The following SGCD variants were observed in gnomAD, a reference collection of about 807,000 sequenced individuals.
The protein encoded by SGCD is delta-sarcoglycan.
Under a neutral mutation model 36.6 loss-of-function variants are expected in SGCD, and 18 were observed. The observed-to-expected ratio is 0.49, with a 90% CI of 0.34 to 0.73. SGCD has a LOEUF of 0.73. SGCD is among the 30% of genes least tolerant of loss of function. The probability of loss-of-function intolerance (pLI) is 0.01; values close to 1 mark genes in which losing one functional copy is unlikely to be tolerated. For missense variants in SGCD, 387 were observed against 346.7 expected (o/e 1.12, Z -0.92); for synonymous variants, 133 against 130.6 (o/e 1.02, Z -0.12).
At chr5:156,036,292 TC>T (rs1420191504) in intron 1 of SGCD, among the ~76,000 whole-genome samples, 6 of 152,150 alleles carry the variant, frequency 3.9e-5, no homozygotes, top group Non-Finnish European at 7.3e-5. Flanking sequence ...TCCAAACTCC[TC>T]AGTGGCTTAC....
At chr5:156,239,826 A>G (rs534036158) in intron 3 of SGCD, among the ~76,000 whole-genome samples, 363 of 152,314 alleles carry the variant, frequency 2.4e-3, no homozygotes, top group Non-Finnish European at 3.3e-3. Flanking sequence ...ACCCAAGGTA[A>G]CAAAATGTTT....
In SGCD at chr5:156,246,285, T is replaced by G. The variant is rs7701396; in HGVS notation, c.-43-83249T>G. ...TTCCATGGAGAGTTCTCCAGTGAGCTGTAGTTCCATAAAATCAGCACATTT... is the reference window on the plus strand; with the variant it reads ...TTCCATGGAGAGTTCTCCAGTGAGCGGTAGTTCCATAAAATCAGCACATTT... On this transcript the variant is annotated intron_variant, in intron 3 of 9. Transcript: ENST00000517913. Among the ~76,000 whole-genome samples, 419 of 152,306 alleles carry G rather than the reference T, an allele frequency of 2.8e-3. 1 individual carries two copies. Among genetic ancestry groups the G allele is most frequent in the African/African-American group, 9.8e-3 (408 of 41,586 alleles).
chr5:155,738,713 T>TA, the SGCD span, among the ~76,000 whole-genome samples: 1 of 128,818 alleles, frequency 7.8e-6, no homozygotes, highest in African/African-American at 4.0e-5. Context: ...AGTGTGTGAG[T>TA]GTGAGAGAGT....
intron 3 of SGCD, among the ~76,000 whole-genome samples, chr5:156,348,698 A>G (rs1194782706): frequency 2.0e-5 from 3 of 152,186 alleles, no homozygotes; most frequent in African/African-American, 4.8e-5. Context: ...TACAGAGTCA[A>G]TGTACTTCCT....
the SGCD span, among the ~76,000 whole-genome samples, chr5:155,752,673 T>A: frequency 3.3e-5 from 5 of 152,194 alleles, no homozygotes; most frequent in Admixed American, 2.6e-4. Context: ...TTGTGATGAT[T>A]TAATCAGTAT....
rs535001434 is a variant in SGCD, at chr5:156,419,640, T to C, written c.192+74963T>C. On this transcript the variant is annotated intron_variant, in intron 3 of 8. Coordinates refer to ENST00000337851, the MANE Select transcript of SGCD (RefSeq NM_000337.6). ...AATATGGTGGTGGGTTAGCAGCTGA[T>C]TGGAGAAGCAAATGGATGTAGAGAT... is the stretch of plus-strand genomic sequence containing the variant. Among the ~76,000 whole-genome samples, 330 of 152,218 alleles carry C rather than the reference T, an allele frequency of 2.2e-3. 3 individuals carry two copies. The highest frequency in any genetic ancestry group is 3.2e-3 in the Non-Finnish European group (219 of 67,992).
At chr5:155,979,326 G>A (rs1758181196) in intron 1 of SGCD, among the ~76,000 whole-genome samples, 1 of 152,176 alleles carries the variant, frequency 6.6e-6, no homozygotes, top group Non-Finnish European at 1.5e-5. Flanking sequence ...GGAACACAGT[G>A]CCTGGCACAT....
In SGCD at chr5:156,550,054, T is replaced by C. The variant is rs1271916845; in HGVS notation, c.295-39177T>C. On this transcript the variant is annotated intron_variant, in intron 4 of 8. Coordinates refer to ENST00000337851, the MANE Select transcript of SGCD (RefSeq NM_000337.6). ...ATACCAGTTTCACAAATGGAAAAAC[T>C]GATGTGCAGAAAACTGACATGAAAG... Among the ~76,000 whole-genome samples the C allele has an allele frequency of 2.6e-5, 4 of 152,236 alleles. No individual in the cohort carries two copies. The East Asian group carries it at 7.7e-4, about 29-fold the overall frequency.
chr5:156,007,139 T>C (rs533953905), intron 1 of SGCD, among the ~76,000 whole-genome samples: 35 of 152,266 alleles, frequency 2.3e-4, no homozygotes, highest in Non-Finnish European at 7.4e-5. Flanking sequence ...TCACCCCTAA[T>C]CCTTCGGTAA....
At chr5:156,232,858 A>C (rs1765054563) in intron 3 of SGCD, among the ~76,000 whole-genome samples, 1 of 152,188 alleles carries the variant, frequency 6.6e-6, no homozygotes, top group Non-Finnish European at 1.5e-5. Flanking sequence ...CCAGTGTTTT[A>C]ACTTTCATTA....
chr5:156,218,954 C>CA (rs1425995118), intron 3 of SGCD, among the ~76,000 whole-genome samples: 1 of 152,150 alleles, frequency 6.6e-6, no homozygotes. Context: ...CCTATCCAGT[C>CA]ATTTTTTTAC....
At chr5:156,313,057 A>T (rs1767429107) in intron 3 of SGCD, among the ~76,000 whole-genome samples, 9 of 152,044 alleles carry the variant, frequency 5.9e-5, no homozygotes, top group Admixed American at 5.9e-4. Context: ...CTGTCTCAGA[A>T]CTGTGGAAAT....
intron 3 of SGCD, among the ~76,000 whole-genome samples, chr5:156,228,350 G>A (rs1288024968): frequency 1.3e-5 from 2 of 152,100 alleles, no homozygotes; most frequent in Non-Finnish European, 2.9e-5. Context: ...GTTTAGGAAT[G>A]TGATATTTTC....
At chr5:155,956,155 A>G (rs1377585711) in intron 1 of SGCD, among the ~76,000 whole-genome samples, 1 of 148,836 alleles carries the variant, frequency 6.7e-6, no homozygotes, top group African/African-American at 2.5e-5. Context: ...ACAGCTTCCA[A>G]GTTCTCTCTG....
rs186570301 is a variant in SGCD at position 156,674,374 on chromosome 5, G to A, written c.575+26838G>A. Among the ~76,000 whole-genome samples the A allele has an allele frequency of 7.1e-3, 1,088 of 152,314 alleles. 11 individuals are homozygous for A. The highest frequency in any genetic ancestry group is 6.8e-3 in the South Asian group (33 of 4,826). ...TAAAGGCATAATCCCCCGTCTTTGT[G>A]CAAGGTGTGATACTGTTACAAAAAG... On this transcript the variant is annotated intron_variant, in intron 7 of 8. Coordinates refer to ENST00000337851, the MANE Select transcript of SGCD (RefSeq NM_000337.6).
At chr5:156,582,445 T>A (rs1760307926) in intron 4 of SGCD, among the ~76,000 whole-genome samples, 1 of 152,248 alleles carries the variant, frequency 6.6e-6, no homozygotes, top group African/African-American at 2.4e-5. Context: ...CATGTAAGGA[T>A]AAAACATCTG....
chr5:156,480,734 A>G (rs184884948), intron 3 of SGCD, among the ~76,000 whole-genome samples: 1 of 152,274 alleles, frequency 6.6e-6, no homozygotes, highest in African/African-American at 2.4e-5. Flanking sequence ...TGCTTTACCT[A>G]CTTTGCAATT....
At chr5:156,466,789 T>C (rs1026171039) in intron 3 of SGCD, among the ~76,000 whole-genome samples, 26 of 152,186 alleles carry the variant, frequency 1.7e-4, no homozygotes, top group African/African-American at 6.3e-4. Context: ...TTGAAAATTA[T>C]ACCAAAAAAA....
intron 1 of SGCD, among the ~76,000 whole-genome samples, chr5:155,928,692 G>A (rs55812044): frequency 4.3e-5 from 6 of 141,092 alleles, no homozygotes; most frequent in Non-Finnish European, 3.0e-5. Flanking sequence ...AAAAAAAGAG[G>A]TAAAAAAAAT....
Sources: gnomAD v4.1 joint callset for allele counts (sites outside exome capture counted in the v4.1 genomes callset) on GRCh38, gnomAD v4.1.1 for gene constraint, MANE v1.5 for transcripts, NCBI Gene and HGNC (gene_info 2026-07-23, HGNC 2026-07-21) for gene names.